Variants in RPRD1B observed in about 807,000 individuals in gnomAD.
RPRD1B encodes regulation of nuclear pre-mRNA domain containing 1B.
A neutral mutation model predicts 41.5 loss-of-function variants in RPRD1B; 11 were observed. The ratio of observed to expected loss-of-function variants is 0.27; its 90% CI spans 0.17 to 0.44. The LOEUF is 0.44. Among genes scored for constraint, RPRD1B ranks in the 20% least tolerant of loss-of-function variants. The probability of loss-of-function intolerance (pLI) is 1.00; values close to 1 mark genes in which losing one functional copy is unlikely to be tolerated. For missense variants in RPRD1B, 248 were observed against 389.9 expected (o/e 0.64, Z 3.06); for synonymous variants, 158 against 155.6 (o/e 1.02, Z -0.12).
chr20:38,067,978 G>A (rs1410964318), intron 6 of RPRD1B, among the ~76,000 whole-genome samples: 3 of 152,230 alleles, frequency 2.0e-5, no homozygotes, highest in Admixed American at 2.0e-4. Flanking sequence ...AACCATAGAG[G>A]ACAGAGTCTT....
chr20:38,092,082 G>C lies in RPRD1B; in HGVS notation c.*2207G>C. 1.0e-6 allele frequency: 1 copy of C among 985,716 alleles called. No homozygotes were observed. The highest frequency in any genetic ancestry group is 1.2e-6 in the Non-Finnish European group (1 of 829,918). The allele number at this position is 985,716 out of a possible 1,614,324, so 61.1% of individuals were successfully genotyped here. Reference sequence around the variant, plus strand: ...TGAACTTTCCTCCTTGTATGTATGAGGTGACTTGGTGGGTGGGGTGGGTGG... The same window carrying C: ...TGAACTTTCCTCCTTGTATGTATGACGTGACTTGGTGGGTGGGGTGGGTGG... On this transcript the variant is annotated 3_prime_UTR_variant, in exon 7 of 7. Coordinates refer to ENST00000373433, the MANE Select transcript of RPRD1B (RefSeq NM_021215.4).
chr20:38,076,903 G>A (rs1242473501), intron 6 of RPRD1B, among the ~76,000 whole-genome samples: 3 of 101,130 alleles, frequency 3.0e-5, no homozygotes, highest in Middle Eastern at 6.0e-3. Flanking sequence ...TCTCATTCTG[G>A]ACCTTTTTTT....
At chr20:38,053,571 C>T (rs2074210677) in intron 3 of RPRD1B, among the ~76,000 whole-genome samples, 1 of 152,124 alleles carries the variant, frequency 6.6e-6, no homozygotes, top group African/African-American at 2.4e-5. Context: ...GAGTTGGAGG[C>T]CATTTGTCAT....
At position 38,041,481 on chromosome 20, in the gene RPRD1B, A is replaced by G. The variant is rs2074065511; in HGVS notation, c.281+917A>G. On this transcript the variant is annotated intron_variant, in intron 2 of 6. Coordinates refer to ENST00000373433, the MANE Select transcript of RPRD1B (RefSeq NM_021215.4). ...TGACACCTAGCTTTCTAGAGATGAA[A>G]AAGATGGTTTTTGTGGATAAGTTAC... 3.3e-5 allele frequency among the ~76,000 whole-genome samples: 5 copies of G among 152,236 alleles called. No homozygotes were observed. The South Asian group carries it at 1.0e-3, about 31-fold the overall frequency.
chr20:38,074,158 ACTTTT>A (rs1431035961), intron 6 of RPRD1B, among the ~76,000 whole-genome samples: 3 of 151,552 alleles, frequency 2.0e-5, no homozygotes, highest in Non-Finnish European at 2.9e-5. Context: ...CTTTCTTTTT[ACTTTT>A]CTTTTATTTT....
chr20:38,057,022 C>T (rs1285565835), intron 3 of RPRD1B, among the ~76,000 whole-genome samples: 1 of 152,082 alleles, frequency 6.6e-6, no homozygotes, highest in Non-Finnish European at 1.5e-5. Flanking sequence ...TCACATGTCT[C>T]AGTAATGGTT....
At chr20:38,088,004 T>G (rs966322379) in intron 6 of RPRD1B, among the ~76,000 whole-genome samples, 1 of 152,194 alleles carries the variant, frequency 6.6e-6, no homozygotes, top group African/African-American at 2.4e-5. Flanking sequence ...TCATTGCTAA[T>G]CATTTACGTA....
At chr20:38,085,084 G>A (rs188428886) in intron 6 of RPRD1B, among the ~76,000 whole-genome samples, 4 of 152,170 alleles carry the variant, frequency 2.6e-5, no homozygotes, top group African/African-American at 7.2e-5. Flanking sequence ...TAATGCGTGC[G>A]CTGGAGAGGA....
intron 2 of RPRD1B, among the ~76,000 whole-genome samples, chr20:38,042,151 T>C (rs904202612): frequency 6.6e-6 from 1 of 152,178 alleles, no homozygotes; most frequent in Non-Finnish European, 1.5e-5. Context: ...TATTAAAAAA[T>C]TCCAGCCTGG....
At chr20:38,062,080 C>T (rs757989884) in intron 5 of RPRD1B, among the ~76,000 whole-genome samples, 1 of 152,054 alleles carries the variant, frequency 6.6e-6, no homozygotes, top group African/African-American at 2.4e-5. Context: ...GAGGTTGGAG[C>T]GATGTGCTTT....
At chr20:38,040,997 ATAG>A (rs1423895490) in intron 2 of RPRD1B, among the ~76,000 whole-genome samples, 9 of 152,230 alleles carry the variant, frequency 5.9e-5, no homozygotes, top group Non-Finnish European at 1.2e-4. Context: ...TTTACTAAAA[ATAG>A]TAGGCATTAC....
At chr20:38,062,328 A>G (rs1444092897) in intron 5 of RPRD1B, among the ~76,000 whole-genome samples, 1 of 152,002 alleles carries the variant, frequency 6.6e-6, no homozygotes, top group African/African-American at 2.4e-5. Context: ...TTCTCACCCA[A>G]TTTCATGACT....
At chr20:38,058,649 CA>C (rs1357314970) in intron 4 of RPRD1B, among the ~76,000 whole-genome samples, 1 of 152,142 alleles carries the variant, frequency 6.6e-6, no homozygotes, top group Non-Finnish European at 1.5e-5. Flanking sequence ...GAGTGACATC[CA>C]TTTTGTCAAG....
chr20:38,070,362 G>A, intron 6 of RPRD1B: 1 of 985,550 alleles, frequency 1.0e-6, no homozygotes, highest in South Asian at 4.7e-5. Flanking sequence ...GCACGTGGAA[G>A]GAAGCACAAA....
At chr20:38,048,977 T>C (rs1449700711) in intron 3 of RPRD1B, among the ~76,000 whole-genome samples, 4 of 152,136 alleles carry the variant, frequency 2.6e-5, no homozygotes, top group Admixed American at 6.6e-5. Flanking sequence ...GGAGACAGAG[T>C]CTCACCCTGT....
At chr20:38,089,418 T>C (rs937880581) in intron 6 of RPRD1B, among the ~76,000 whole-genome samples, 6 of 152,178 alleles carry the variant, frequency 3.9e-5, no homozygotes, top group Non-Finnish European at 7.4e-5. Context: ...ATTTTGAAAC[T>C]TTTGAGAACC....
intron 6 of RPRD1B, among the ~76,000 whole-genome samples, chr20:38,084,265 G>T (rs1312486846): frequency 6.6e-6 from 1 of 151,964 alleles, no homozygotes; most frequent in Non-Finnish European, 1.5e-5. Flanking sequence ...TTTAAAAGAG[G>T]GGCCTTCGTA....
In RPRD1B at chr20:38,048,475, C is replaced by A. The variant is rs1387832341; in HGVS notation, c.409C>A (p.Pro137Thr). 2 of 1,603,234 alleles carry A rather than the reference C, an allele frequency of 1.2e-6. No individual in the cohort carries two copies. The highest frequency in any genetic ancestry group is 1.1e-5 in the South Asian group (1 of 90,096). Reference sequence around the variant, plus strand: ...TATGGAGGACTCCAAGAGCCCTCCCCCCAAAGGTAGAAACATCACCACATG... The same window carrying A: ...TATGGAGGACTCCAAGAGCCCTCCCACCAAAGGTAGAAACATCACCACATG... ...LSMEDSKSPP[P>T]KATEEKKSLK... is the part of the protein sequence containing the mutation. The change falls in exon 3 of 7, where the codon CCC becomes ACC. Residue 137 changes from proline (P) to threonine (T), a missense_variant. Physicochemically the swap from Pro to Thr is conservative, Grantham distance 38. Coordinates refer to ENST00000373433, the MANE Select transcript of RPRD1B (RefSeq NM_021215.4).
intron 6 of RPRD1B, among the ~76,000 whole-genome samples, chr20:38,081,464 G>T (rs916593040): frequency 6.6e-6 from 1 of 152,138 alleles, no homozygotes; most frequent in African/African-American, 2.4e-5. Flanking sequence ...GACATTATGG[G>T]GTTTTCTAGC....
Sources: allele counts gnomAD v4.1 joint callset (sites outside exome capture counted in the v4.1 genomes callset), GRCh38; gene constraint gnomAD v4.1.1; transcripts MANE v1.5; gene names NCBI Gene and HGNC (gene_info 2026-07-23, HGNC 2026-07-21).